Variants in CAMKMT observed in about 807,000 individuals in gnomAD.
CAMKMT encodes the protein CaM KMT.
CAMKMT carries 53 observed loss-of-function variants against 48.0 expected under a neutral mutation model. The observed-to-expected ratio is 1.10, with a 90% CI of 0.89 to 1.39. CAMKMT has a LOEUF of 1.39. CAMKMT is among the 40% of genes most tolerant of loss of function. CAMKMT has a pLI of 0.00. For synonymous variants in CAMKMT, 165 were observed against 152.3 expected (o/e 1.08, Z -0.61); for missense variants, 428 against 402.7 (o/e 1.06, Z -0.54).
At chr2:44,474,434 G>A (rs1236949838) in intron 3 of CAMKMT, among the ~76,000 whole-genome samples, 3 of 142,944 alleles carry the variant, frequency 2.1e-5, no homozygotes, top group East Asian at 2.0e-4. Context: ...GTGACAGAGC[G>A]AGACTCCGTC....
intron 2 of CAMKMT, among the ~76,000 whole-genome samples, chr2:44,378,346 A>C (rs1198082543): frequency 6.6e-6 from 1 of 152,224 alleles, no homozygotes; most frequent in Non-Finnish European, 1.5e-5. Flanking sequence ...CCAATATAGT[A>C]CATGTAGAAA....
intron 3 of CAMKMT, among the ~76,000 whole-genome samples, chr2:44,622,376 T>C (rs1002735032): frequency 6.6e-6 from 1 of 152,232 alleles, no homozygotes; most frequent in Non-Finnish European, 1.5e-5. Flanking sequence ...GGGGAGTATA[T>C]GTGCAGGTTT....
intron 3 of CAMKMT, among the ~76,000 whole-genome samples, chr2:44,545,564 G>GT (rs1040677148): frequency 6.3e-4 from 95 of 150,392 alleles, no homozygotes; most frequent in African/African-American, 1.9e-3. Flanking sequence ...TTTTGTTTTT[G>GT]TTTTTTTTGC....
intron 2 of CAMKMT, among the ~76,000 whole-genome samples, chr2:44,388,832 G>A (rs1388019305): frequency 6.6e-6 from 1 of 152,198 alleles, no homozygotes; most frequent in African/African-American, 2.4e-5. Flanking sequence ...GAGGTTGTCT[G>A]CACAGAGTCC....
chr2:44,462,518 A>G (rs1667900583), intron 3 of CAMKMT, among the ~76,000 whole-genome samples: 1 of 152,132 alleles, frequency 6.6e-6, no homozygotes. Flanking sequence ...AATTGGCCTT[A>G]TAATAATAGA....
At chr2:44,736,635 C>G (rs1679369578) in intron 7 of CAMKMT, among the ~76,000 whole-genome samples, 1 of 152,098 alleles carries the variant, frequency 6.6e-6, no homozygotes. Context: ...TTTGAGAAGT[C>G]CAGTTTCACA....
In CAMKMT at chr2:44,683,144, C is replaced by A. The variant is rs138685280; in HGVS notation, c.377-21139C>A. Among the ~76,000 whole-genome samples the A allele has an allele frequency of 9.5e-4, 145 of 152,112 alleles. 1 individual carries two copies. Among genetic ancestry groups the A allele is most frequent in the Non-Finnish European group, 1.6e-3 (109 of 67,996 alleles). On this transcript the variant is annotated intron_variant, in intron 3 of 10. Coordinates refer to ENST00000378494, the MANE Select transcript of CAMKMT (RefSeq NM_024766.5). ...AGCTGAATGTATCTGTAGCCTCTTC[C>A]ACCAGCCAGTGTATTGGAGCATGGA...
chr2:44,394,420 AGACT>A (rs10561706), intron 3 of CAMKMT, among the ~76,000 whole-genome samples: 106,094 of 149,852 alleles, frequency 0.71, 38,065 homozygotes, highest in South Asian at 0.79. Flanking sequence ...GTGAATTCTA[AGACT>A]GACCAGGATT....
chr2:44,730,312 A>G (rs564939186), intron 7 of CAMKMT, among the ~76,000 whole-genome samples: 1 of 152,242 alleles, frequency 6.6e-6, no homozygotes, highest in South Asian at 2.1e-4. Context: ...TCTTCAGGAT[A>G]CCTTCCCCAA....
chr2:44,577,645 G>C (rs1026301308), intron 3 of CAMKMT, among the ~76,000 whole-genome samples: 3 of 148,986 alleles, frequency 2.0e-5, no homozygotes, highest in African/African-American at 7.4e-5. Context: ...AGAAAGGACG[G>C]GGAGGGGGAG....
chr2:44,705,660 C>T (rs1677512699), intron 4 of CAMKMT: 1 of 329,276 alleles, frequency 3.0e-6, no homozygotes, highest in Non-Finnish European at 4.3e-6. Context: ...ATATTATGTC[C>T]CTGCATTGTT....
At chr2:44,446,422 C>A (rs578027339) in intron 3 of CAMKMT, among the ~76,000 whole-genome samples, 1 of 152,266 alleles carries the variant, frequency 6.6e-6, no homozygotes, top group East Asian at 1.9e-4. Flanking sequence ...TCTCAGTTCA[C>A]TGCAACCTCT....
chr2:44,737,658 C>T (rs1679426778), intron 7 of CAMKMT, among the ~76,000 whole-genome samples: 1 of 152,132 alleles, frequency 6.6e-6, no homozygotes, highest in African/African-American at 2.4e-5. Flanking sequence ...CTTTCCCCAA[C>T]TTCAAGTAGT....
At chr2:44,378,660 A>G (rs985836997) in intron 2 of CAMKMT, among the ~76,000 whole-genome samples, 1 of 152,066 alleles carries the variant, frequency 6.6e-6, no homozygotes, top group Middle Eastern at 3.2e-3. Context: ...CGCCCAGCTA[A>G]TTTTTGTATT....
chr2:44,654,709 T>G (rs1054855539), intron 3 of CAMKMT, among the ~76,000 whole-genome samples: 4 of 152,192 alleles, frequency 2.6e-5, no homozygotes, highest in Admixed American at 6.5e-5. Flanking sequence ...GAGACAGGGT[T>G]TCGCCATGTT....
chr2:44,495,664 C>A (rs1251302195), intron 3 of CAMKMT, among the ~76,000 whole-genome samples: 1 of 152,186 alleles, frequency 6.6e-6, no homozygotes, highest in East Asian at 1.9e-4. Context: ...GCAATTCTTA[C>A]TACTGGTTGT....
intron 3 of CAMKMT, among the ~76,000 whole-genome samples, chr2:44,587,449 C>G (rs1165361387): frequency 1.4e-5 from 2 of 148,132 alleles, no homozygotes; most frequent in African/African-American, 2.5e-5. Flanking sequence ...CCTCCCCCTC[C>G]CCCTCCCCCT....
At chr2:44,764,096 T>TA (rs1048790944) in intron 9 of CAMKMT, among the ~76,000 whole-genome samples, 14 of 151,798 alleles carry the variant, frequency 9.2e-5, no homozygotes, top group Non-Finnish European at 1.8e-4. Context: ...TAGTTTCACA[T>TA]AAAAATGAAT....
intron 3 of CAMKMT, among the ~76,000 whole-genome samples, chr2:44,670,015 C>T (rs1675237951): frequency 6.6e-6 from 1 of 152,156 alleles, no homozygotes; most frequent in African/African-American, 2.4e-5. Context: ...TGTTTTCTCT[C>T]TTGTGAAATG....
Sources: gnomAD v4.1 joint callset for allele counts (sites outside exome capture counted in the v4.1 genomes callset) on GRCh38, gnomAD v4.1.1 for gene constraint, MANE v1.5 for transcripts, NCBI Gene and HGNC (gene_info 2026-07-23, HGNC 2026-07-21) for gene names.